Variants in SSH2 observed in about 807,000 individuals in gnomAD.
SSH2 encodes the protein slingshot protein phosphatase 2, also known as protein phosphatase Slingshot homolog 2.
Under a neutral mutation model 135.2 loss-of-function variants are expected in SSH2, and 37 were observed. That is an observed-to-expected ratio of 0.27 (90% CI 0.21 to 0.36). The LOEUF (loss-of-function observed/expected upper bound fraction) is 0.36, where lower values mean the gene tolerates loss of function less well. Ranked by LOEUF, SSH2 falls within the 10% of genes least tolerant of loss-of-function variation. SSH2 has a pLI of 1.00. For missense variants in SSH2, 1,408 were observed against 1,765.3 expected, an observed-to-expected ratio of 0.80 and a Z score of 3.63; for synonymous variants, 628 against 646.2, an observed-to-expected ratio of 0.97 and a Z score of 0.43.
chr17:29,754,870 G>A (rs1235030380), intron 3 of SSH2, among the ~76,000 whole-genome samples: 4 of 152,112 alleles, frequency 2.6e-5, no homozygotes, highest in Admixed American at 2.6e-4. Flanking sequence ...TGTTGCTCAG[G>A]CTGGTCTTAA....
At chr17:29,725,753 C>T (rs1374697228) in intron 3 of SSH2, among the ~76,000 whole-genome samples, 1 of 152,048 alleles carries the variant, frequency 6.6e-6, no homozygotes, top group African/African-American at 2.4e-5. Flanking sequence ...TGTCGGAGGG[C>T]TGGGGGCAAG....
intron 2 of SSH2, among the ~76,000 whole-genome samples, chr17:29,827,675 C>T (rs1599053887): frequency 6.6e-6 from 1 of 151,632 alleles, no homozygotes; most frequent in African/African-American, 2.4e-5. Flanking sequence ...AGGTAATATG[C>T]ATTATGACTT....
intron 3 of SSH2, among the ~76,000 whole-genome samples, chr17:29,789,084 T>G (rs1358914392): frequency 1.3e-5 from 2 of 152,256 alleles, no homozygotes; most frequent in Non-Finnish European, 2.9e-5. Flanking sequence ...TCTAGTATTT[T>G]GTGGAAGGTA....
At chr17:29,736,788 A>C (rs2040382825) in intron 3 of SSH2, among the ~76,000 whole-genome samples, 1 of 124,608 alleles carries the variant, frequency 8.0e-6, no homozygotes, top group Non-Finnish European at 1.7e-5. Context: ...CTCTGTCTCA[A>C]AAAAAAAAAA....
At chr17:29,919,195 G>A (rs1436653241) in intron 1 of SSH2, among the ~76,000 whole-genome samples, 2 of 152,238 alleles carry the variant, frequency 1.3e-5, no homozygotes, top group East Asian at 1.9e-4. Context: ...TGGTATAAAT[G>A]AGTAAGTAAA....
chr17:29,856,999 G>T (rs2065674157), intron 1 of SSH2, among the ~76,000 whole-genome samples: 1 of 152,114 alleles, frequency 6.6e-6, no homozygotes, highest in African/African-American at 2.4e-5. Context: ...TTTGGGTGGG[G>T]ATGCAGCCAA....
At chr17:29,925,413 T>G (rs990167379) in intron 1 of SSH2, 1 of 397,426 alleles carries the variant, frequency 2.5e-6, no homozygotes, top group African/African-American at 2.1e-5. Flanking sequence ...AATAATAATA[T>G]ATTGTAGACT....
rs879942292 is a variant in SSH2, at chr17:29,930,173, C to A, written c.-173G>T. Reference sequence around the variant, plus strand: ...TCCGCACCCACCACCAGACTGTCGCCGACTGACGCTCCGAACGGGCGGCGG... The same window carrying A: ...TCCGCACCCACCACCAGACTGTCGCAGACTGACGCTCCGAACGGGCGGCGG... On this transcript the variant is annotated 5_prime_UTR_variant, in exon 1 of 16. Transcript: ENST00000540801. The A allele has an allele frequency of 4.6e-5, 28 of 602,300 alleles. No homozygotes were observed. Among genetic ancestry groups the A allele is most frequent in the Non-Finnish European group, 7.6e-5 (27 of 355,140 alleles). The allele number at this position is 602,300 out of a possible 1,614,324, so 37.3% of individuals were successfully genotyped here.
intron 11 of SSH2, among the ~76,000 whole-genome samples, chr17:29,660,575 T>C (rs1384291531): frequency 1.3e-5 from 2 of 151,994 alleles, no homozygotes; most frequent in Non-Finnish European, 2.9e-5. Context: ...AACCTCTCTG[T>C]CTTTATCTGT....
chr17:29,743,809 T>A (rs758831393), intron 3 of SSH2, among the ~76,000 whole-genome samples: 1 of 152,054 alleles, frequency 6.6e-6, no homozygotes, highest in Non-Finnish European at 1.5e-5. Flanking sequence ...TTAGAATCAC[T>A]AAATGTTATG....
intron 3 of SSH2, among the ~76,000 whole-genome samples, chr17:29,784,258 A>G (rs920620127): frequency 1.4e-5 from 2 of 145,166 alleles, no homozygotes; most frequent in Non-Finnish European, 3.0e-5. Context: ...GGTGGCACGC[A>G]CCTGTAATCC....
At chr17:29,748,286 G>A (rs924289087) in intron 3 of SSH2, among the ~76,000 whole-genome samples, 2 of 151,938 alleles carry the variant, frequency 1.3e-5, no homozygotes, top group Non-Finnish European at 2.9e-5. Flanking sequence ...AAACACAAAT[G>A]CATCTTTATA....
chr17:29,738,028 T>C (rs1052292272), intron 3 of SSH2, among the ~76,000 whole-genome samples: 5 of 152,210 alleles, frequency 3.3e-5, no homozygotes, highest in African/African-American at 1.2e-4. Context: ...GCTGCACCCA[T>C]TAACTTGTCA....
At chr17:29,807,504 C>G (rs573549240) in intron 2 of SSH2, among the ~76,000 whole-genome samples, 1 of 152,168 alleles carries the variant, frequency 6.6e-6, no homozygotes, top group Non-Finnish European at 1.5e-5. Flanking sequence ...CAGTACCATA[C>G]TCAAGGAGTT....
At chr17:29,849,276 G>A (rs1367690217) in intron 1 of SSH2, among the ~76,000 whole-genome samples, 1 of 151,718 alleles carries the variant, frequency 6.6e-6, no homozygotes, top group East Asian at 1.9e-4. Context: ...TCAGGAGATC[G>A]AGACTATCCC....
intron 3 of SSH2, among the ~76,000 whole-genome samples, chr17:29,763,190 G>A (rs2041363480): frequency 6.6e-6 from 1 of 152,146 alleles, no homozygotes; most frequent in South Asian, 2.1e-4. Flanking sequence ...TGAGGGACTT[G>A]AAATACTGAA....
chr17:29,871,949 A>G (rs1303537570), intron 1 of SSH2, among the ~76,000 whole-genome samples: 1 of 152,216 alleles, frequency 6.6e-6, no homozygotes, highest in East Asian at 1.9e-4. Flanking sequence ...TCAACAACAG[A>G]TGAATAATTA....
At chr17:29,735,849 C>A (rs2040346434) in intron 3 of SSH2, among the ~76,000 whole-genome samples, 1 of 151,228 alleles carries the variant, frequency 6.6e-6, no homozygotes, top group African/African-American at 2.4e-5. Context: ...GTAATCCCAG[C>A]ACTTTGGGAG....
chr17:29,929,722 G>A (rs2067146223), intron 1 of SSH2: 1 of 594,430 alleles, frequency 1.7e-6, no homozygotes, highest in Admixed American at 3.0e-5. Context: ...AGGATTGTGA[G>A]GAGCTAGGTG....
Sources: gnomAD v4.1 joint callset for allele counts (sites outside exome capture counted in the v4.1 genomes callset) on GRCh38, gnomAD v4.1.1 for gene constraint, MANE v1.5 for transcripts, NCBI Gene and HGNC (gene_info 2026-07-23, HGNC 2026-07-21) for gene names.